Variants in SPATA2 observed in about 807,000 individuals in gnomAD.
SPATA2 encodes spermatogenesis associated 2, also known as spermatogenesis-associated protein 2.
SPATA2 carries 8 observed loss-of-function variants against 35.4 expected under a neutral mutation model. The observed-to-expected ratio is 0.23, with a 90% confidence interval of 0.13 to 0.41. The LOEUF (loss-of-function observed/expected upper bound fraction) is 0.41, where lower values mean the gene tolerates loss of function less well. Among genes scored for constraint, SPATA2 ranks in the 10% least tolerant of loss-of-function variants. The pLI is 1.00. For synonymous variants in SPATA2, 293 were observed against 300.9 expected (o/e 0.97, Z 0.27); for missense variants, 650 against 698.7 (o/e 0.93, Z 0.79).
chr20:49,908,015 G>A (rs1386306598), intron 2 of SPATA2, 140 bp downstream of exon 2: 2 of 841,784 alleles, frequency 2.4e-6, no homozygotes, highest in Admixed American at 5.1e-5. Flanking sequence ...TGATGCTGGA[G>A]AGACGGGGAA....
chr20:49,912,290 C>T (rs2090186111), intron 1 of SPATA2, among the ~76,000 whole-genome samples: 1 of 152,118 alleles, frequency 6.6e-6, no homozygotes, highest in South Asian at 2.1e-4. Context: ...CCCGCCTCTA[C>T]TAAAAATACA....
rs1277516106 is a variant in SPATA2, at chr20:49,904,698, T to A, written c.*921A>T. On this transcript the variant is annotated 3_prime_UTR_variant, in exon 3 of 3. Coordinates refer to ENST00000289431, the MANE Select transcript of SPATA2 (RefSeq NM_006038.4). ...TTCCTCCCTGCCCCAAACTCTCCTCTCCCCTCGGGCCATAGTGAGTGGAGG... is the reference window on the plus strand; with the variant it reads ...TTCCTCCCTGCCCCAAACTCTCCTCACCCCTCGGGCCATAGTGAGTGGAGG... The A allele has an allele frequency of 6.6e-6, 1 of 152,466 alleles. No individual in the cohort carries two copies. The highest frequency in any genetic ancestry group is 2.4e-5 in the African/African-American group (1 of 41,368). 9.4% of individuals were successfully genotyped at this position (152,466 alleles called of 1,614,324 possible).
rs942792432 is a variant in SPATA2, at chr20:49,904,581, C to T, written c.*1038G>A. 4 of 152,622 alleles carry T rather than the reference C, an allele frequency of 2.6e-5. No individual in the cohort carries two copies. The highest frequency in any genetic ancestry group is 6.6e-5 in the Admixed American group (1 of 15,262). The allele number at this position is 152,622 out of a possible 1,614,324, so 9.5% of individuals were successfully genotyped here. A position where few individuals can be genotyped will look rare whatever the true frequency, so the allele number is the denominator to read the frequency against. On this transcript the variant is annotated 3_prime_UTR_variant, in exon 3 of 3. Coordinates refer to ENST00000289431, the MANE Select transcript of SPATA2 (RefSeq NM_006038.4). ...CAGACCTCGACACCCGCGCTCACCC[C>T]CTAAGTGCACACTGGAGGTAGGTGT...
chr20:49,906,945 G>A lies in SPATA2; in HGVS notation c.337-100C>T, dbSNP rs746972593. 4.3e-5 allele frequency: 57 copies of A among 1,329,912 alleles called. No homozygotes were observed. The highest frequency in any genetic ancestry group is 2.6e-4 in the Middle Eastern group (1 of 3,832). The allele number at this position is 1,329,912 out of a possible 1,614,324, so 82.4% of individuals were successfully genotyped here. On this transcript the variant is annotated intron_variant, in intron 2 of 2. Transcript: ENST00000289431. This position sits in a 1 kb window ranked among gnomAD's most constrained non-coding sequence, Gnocchi z 8.2. Reference sequence around the variant, plus strand: ...AGGATGTCCAGCTCTGAAGTGGGGCGGCGGGGAGAGGGCAGGGCAGGGAAG... The same window carrying A: ...AGGATGTCCAGCTCTGAAGTGGGGCAGCGGGGAGAGGGCAGGGCAGGGAAG...
In SPATA2 at chr20:49,909,025, C is replaced by G. The variant is rs1259501443; in HGVS notation, c.-102-433G>C. Among the ~76,000 whole-genome samples, 3 of 152,154 alleles carry G rather than the reference C, an allele frequency of 2.0e-5. No homozygotes were observed. In the South Asian group the frequency reaches 6.2e-4, roughly 32 times the overall value. Reference sequence around the variant, plus strand: ...GTGACGAGCTTCACACACACTAACTCGCTTACTTTTTTTTTGAGATGGATC... The same window carrying G: ...GTGACGAGCTTCACACACACTAACTGGCTTACTTTTTTTTTGAGATGGATC... On this transcript the variant is annotated intron_variant, in intron 1 of 2. Coordinates refer to ENST00000289431, the MANE Select transcript of SPATA2 (RefSeq NM_006038.4).
chr20:49,908,543 G>A lies in SPATA2; in HGVS notation c.-53C>T, dbSNP rs527255335. The A allele has an allele frequency of 6.9e-6, 10 of 1,443,646 alleles. No homozygotes were observed. The highest frequency in any genetic ancestry group is 6.9e-5 in the East Asian group (3 of 43,528). The allele number at this position is 1,443,646 out of a possible 1,614,324, so 89.4% of individuals were successfully genotyped here. A position where few individuals can be genotyped will look rare whatever the true frequency, so the allele number is the denominator to read the frequency against. On this transcript the variant is annotated 5_prime_UTR_variant, in exon 2 of 3. Coordinates refer to ENST00000289431, the MANE Select transcript of SPATA2 (RefSeq NM_006038.4). ...TCCATGGCTTCTGGATTAGAGGCAG[G>A]GACATCACTAAAAGCATGGACATGT...
At chr20:49,914,930 T>C (rs2090201053) in intron 1 of SPATA2, among the ~76,000 whole-genome samples, 1 of 152,148 alleles carries the variant, frequency 6.6e-6, no homozygotes, top group East Asian at 1.9e-4. Context: ...TCTCATTCCA[T>C]CTCCACTCCA....
At chr20:49,911,157 C>T (rs1027131851) in intron 1 of SPATA2, among the ~76,000 whole-genome samples, 2 of 152,236 alleles carry the variant, frequency 1.3e-5, no homozygotes, top group Non-Finnish European at 2.9e-5. Context: ...CCTATCTCAC[C>T]TTCCCAGTTC....
chr20:49,903,902 G>GATATAGATATAT lies in SPATA2; in HGVS notation c.*1716_*1717insATATATCTATAT, dbSNP rs2090122476. The GATATAGATATAT allele has an allele frequency of 1.0e-5, 1 of 96,930 alleles. No individual in the cohort carries two copies. The highest frequency in any genetic ancestry group is 2.0e-5 in the Non-Finnish European group (1 of 49,708). 6.0% of individuals were successfully genotyped at this position (96,930 alleles called of 1,614,324 possible). On this transcript the variant is annotated 3_prime_UTR_variant, in exon 3 of 3. Coordinates refer to ENST00000289431, the MANE Select transcript of SPATA2 (RefSeq NM_006038.4). ...ACATCTACATGTGATCTACCAGATA[G>GATATAGATATAT]ATATATATATATATATATATATATA...
At position 49,906,006 on chromosome 20, in the gene SPATA2, G is replaced by A. The variant is rs1286814308; in HGVS notation, c.1176C>T (p.Ser392=). The part of the protein sequence containing the change: ...KCQSCGLSCS[S]SLCQRCDSLL... Reference sequence around the variant, plus strand: ...GGCTGTCACAGCGCTGGCAGAGGGAGGAGCTGCAGGACAGCCCGCAGCTTT... The same window carrying A: ...GGCTGTCACAGCGCTGGCAGAGGGAAGAGCTGCAGGACAGCCCGCAGCTTT... Residue 392 remains serine, a synonymous_variant, in exon 3 of 3, where the codon TCC becomes TCT. Coordinates refer to ENST00000289431, the MANE Select transcript of SPATA2 (RefSeq NM_006038.4). This position sits in a 1 kb window ranked among gnomAD's most constrained non-coding sequence, Gnocchi z 8.2. 1.9e-6 allele frequency: 3 copies of A among 1,606,506 alleles called. No individual in the cohort carries two copies. Among genetic ancestry groups the A allele is most frequent in the South Asian group, 2.2e-5 (2 of 91,034 alleles).
rs530691874 is a variant in SPATA2 at position 49,905,859 on chromosome 20, G to C, written c.1323C>G (p.Asp441Glu). The change falls in exon 3 of 3, where the codon GAC (aspartate) becomes GAG (glutamate). Residue 441 changes from aspartate (D) to glutamate (E), a missense_variant. By Grantham distance (45) the Asp-to-Glu change is conservative (BLOSUM62 2). Transcript: ENST00000289431. Reference sequence around the variant, plus strand: ...ATTTGGAGTGAAGGTGCGGGAGGCGGTCGAGGCCCTGAGTCTGGCCTGGGT... The same window carrying C: ...ATTTGGAGTGAAGGTGCGGGAGGCGCTCGAGGCCCTGAGTCTGGCCTGGGT... Reference protein sequence around the residue: ...EKYPGQTQGLDRLPHLHSKSK... With the variant: ...EKYPGQTQGLERLPHLHSKSK... 6.2e-7 allele frequency: 1 copy of C among 1,613,804 alleles called. No homozygotes were observed. The highest frequency in any genetic ancestry group is 2.2e-5 in the East Asian group (1 of 44,878).
chr20:49,903,904 T>TATAG lies in SPATA2; in HGVS notation c.*1714_*1715insCTAT, dbSNP rs1568904404. 1.8e-4 allele frequency: 2 copies of TATAG among 11,298 alleles called. No individual in the cohort carries two copies. The highest frequency in any genetic ancestry group is 9.6e-3 in the South Asian group (2 of 208). 0.7% of individuals were successfully genotyped at this position (11,298 alleles called of 1,614,324 possible). On this transcript the variant is annotated 3_prime_UTR_variant, in exon 3 of 3. Transcript: ENST00000289431. ...ATCTACATGTGATCTACCAGATAGATATATATATATATATATATATATATA... is the reference window on the plus strand; with the variant it reads ...ATCTACATGTGATCTACCAGATAGATATAGATATATATATATATATATATATATA...
chr20:49,905,516 G>A lies in SPATA2; in HGVS notation c.*103C>T. On this transcript the variant is annotated 3_prime_UTR_variant, in exon 3 of 3. Transcript: ENST00000289431. Reference sequence around the variant, plus strand: ...CGATCTCTGCCACCTACATGGTCAAGTGCAGGCCTCCGCCTCTGAGATCAA... The same window carrying A: ...CGATCTCTGCCACCTACATGGTCAAATGCAGGCCTCCGCCTCTGAGATCAA... 7.4e-7 allele frequency: 1 copy of A among 1,351,304 alleles called. No homozygotes were observed. The highest frequency in any genetic ancestry group is 1.0e-6 in the Non-Finnish European group (1 of 977,786). 83.7% of individuals were successfully genotyped at this position (1,351,304 alleles called of 1,614,324 possible). A position where few individuals can be genotyped will look rare whatever the true frequency, so the allele number is the denominator to read the frequency against.
Position 49,906,095 on chromosome 20 carries a change from C to A in SPATA2, c.1087G>T (p.Asp363Tyr). Reference sequence around the variant, plus strand: ...CGCTTGTGGTAGAGGGAGTGGGCATCGTTTCTGAGCAGCCACACATCCGGC... The same window carrying A: ...CGCTTGTGGTAGAGGGAGTGGGCATAGTTTCTGAGCAGCCACACATCCGGC... ...LRPDVWLLRN[D>Y]AHSLYHKRSP... The change falls in exon 3 of 3, where the codon GAT (aspartate) becomes TAT (tyrosine). Residue 363 changes from aspartate to tyrosine, a missense_variant. By Grantham distance (160) the Asp-to-Tyr change is radical. Coordinates refer to ENST00000289431, the MANE Select transcript of SPATA2 (RefSeq NM_006038.4). The surrounding 1 kb of genome is among the most constrained non-coding windows in gnomAD (Gnocchi z 8.2). 1 of 1,610,996 alleles carries A rather than the reference C, an allele frequency of 6.2e-7. No individual in the cohort carries two copies. Among genetic ancestry groups the A allele is most frequent in the Non-Finnish European group, 8.5e-7 (1 of 1,179,728 alleles).
rs536710153 is a variant in SPATA2, at chr20:49,914,761, G to A, written c.-103+619C>T. Among the ~76,000 whole-genome samples the A allele has an allele frequency of 1.2e-3, 187 of 152,324 alleles. 2 individuals are homozygous for A. The highest frequency in any genetic ancestry group is 3.1e-4 in the Non-Finnish European group (21 of 68,028). ...GGGGACAGAAGCTGGCGGCTGCTAA[G>A]TCCCAGCTCGGTCATTCCTACAGCC... is the stretch of plus-strand genomic sequence containing the variant. On this transcript the variant is annotated intron_variant, in intron 1 of 2. Coordinates refer to ENST00000289431, the MANE Select transcript of SPATA2 (RefSeq NM_006038.4).
intron 2 of SPATA2, 80 bp downstream of exon 2, chr20:49,908,075 T>C: frequency 7.3e-7 from 1 of 1,360,900 alleles, no homozygotes; most frequent in Non-Finnish European, 1.0e-6. Flanking sequence ...GGGATCAGAC[T>C]GGCATAGCCT....
In SPATA2 at chr20:49,906,879, T is replaced by C. The variant is rs766343504; in HGVS notation, c.337-34A>G. ...GAGGGAGTAGAAAAGAAAGGTGGGG[T>C]TTTCTGTCAGAGACACAAGACAGAG... is the stretch of plus-strand genomic sequence containing the variant. On this transcript the variant is annotated intron_variant, in intron 2 of 2. Transcript: ENST00000289431. The surrounding 1 kb of genome is among the most constrained non-coding windows in gnomAD (Gnocchi z 8.2). 1 of 1,572,936 alleles carries C rather than the reference T, an allele frequency of 6.4e-7. No individual in the cohort carries two copies. Among genetic ancestry groups the C allele is most frequent in the South Asian group, 1.2e-5 (1 of 85,914 alleles).
chr20:49,905,268 G>A lies in SPATA2; in HGVS notation c.*351C>T. The A allele has an allele frequency of 4.0e-6, 1 of 250,386 alleles. No homozygotes were observed. The highest frequency in any genetic ancestry group is 7.8e-6 in the Non-Finnish European group (1 of 127,630). The allele number at this position is 250,386 out of a possible 1,614,324, so 15.5% of individuals were successfully genotyped here. A position where few individuals can be genotyped will look rare whatever the true frequency, so the allele number is the denominator to read the frequency against. On this transcript the variant is annotated 3_prime_UTR_variant, in exon 3 of 3. Transcript: ENST00000289431. ...CTTTGCAATGGGAGGGGTAGGTGCA[G>A]CGAGGGTCCCAGAGACAGAAATCCT...
rs1239056662 is a variant in SPATA2, at chr20:49,903,898, GATAGATATATATATATATATATAT to G, written c.*1697_*1720del. ...CTGTACATCTACATGTGATCTACCA[GATAGATATATATATATATATATAT>G]ATATATATATATATATATATATATA... On this transcript the variant is annotated 3_prime_UTR_variant, in exon 3 of 3. Coordinates refer to ENST00000289431, the MANE Select transcript of SPATA2 (RefSeq NM_006038.4). The G allele has an allele frequency of 9.9e-3, 854 of 86,128 alleles. 36 individuals carry two copies. Among genetic ancestry groups the G allele is most frequent in the African/African-American group, 0.036 (772 of 21,498 alleles). The allele number at this position is 86,128 out of a possible 1,614,324, so 5.3% of individuals were successfully genotyped here. A position where few individuals can be genotyped will look rare whatever the true frequency, so the allele number is the denominator to read the frequency against.
Sources: gnomAD v4.1 joint callset for allele counts (sites outside exome capture counted in the v4.1 genomes callset) on GRCh38, gnomAD v4.1.1 for gene constraint, Gnocchi (gnomAD v3.1) non-coding constraint, MANE v1.5 for transcripts, NCBI Gene and HGNC (gene_info 2026-07-23, HGNC 2026-07-21) for gene names.